STOM: variants seen among roughly 807,000 people sequenced by gnomAD.
STOM encodes stomatin, also known as erythrocyte band 7 integral membrane protein.
Under a neutral mutation model 30.6 loss-of-function variants are expected in STOM, and 25 were observed. The observed-to-expected ratio is 0.82, with a 90% CI of 0.60 to 1.14. STOM has a LOEUF of 1.14. Among genes scored for constraint, STOM ranks in the 50% most tolerant of loss-of-function variants. The probability of loss-of-function intolerance (pLI) is 0.00; values close to 1 mark genes in which losing one functional copy is unlikely to be tolerated. For synonymous variants in STOM, 118 were observed against 130.8 expected, an observed-to-expected ratio of 0.90 and a Z score of 0.67; for missense variants, 292 against 365.2, an observed-to-expected ratio of 0.80 and a Z score of 1.63.
intron 6 of STOM, 133 bp downstream of exon 6, chr9:121,347,882 G>T: frequency 9.0e-7 from 1 of 1,106,222 alleles, no homozygotes; most frequent in South Asian, 1.8e-5. Context: ...AAGTTACGGG[G>T]AGGGTTTTCA....
chr9:121,355,364 G>A (rs2064378161), intron 2 of STOM, among the ~76,000 whole-genome samples: 1 of 150,746 alleles, frequency 6.6e-6, no homozygotes, highest in Admixed American at 6.6e-5. Flanking sequence ...CTCCAGCCTG[G>A]GCGACAGAGC....
At chr9:121,366,486 A>G (rs1454181955) in intron 1 of STOM, among the ~76,000 whole-genome samples, 1 of 152,134 alleles carries the variant, frequency 6.6e-6, no homozygotes, top group East Asian at 1.9e-4. Flanking sequence ...TATCTTGGCA[A>G]TTATAATCCT....
chr9:121,356,524 G>C (rs906112148), intron 1 of STOM, among the ~76,000 whole-genome samples: 2 of 152,222 alleles, frequency 1.3e-5, no homozygotes, highest in Non-Finnish European at 2.9e-5. Context: ...ATAATATTAG[G>C]TGGTAAGTAC....
At chr9:121,346,813 T>G (rs2064293864) in intron 6 of STOM, among the ~76,000 whole-genome samples, 1 of 152,188 alleles carries the variant, frequency 6.6e-6, no homozygotes, top group Non-Finnish European at 1.5e-5. Context: ...TCCTATTTGA[T>G]GCTGGCTAAG....
chr9:121,368,932 C>CA (rs34631713), intron 1 of STOM, among the ~76,000 whole-genome samples: 22,819 of 96,700 alleles, frequency 0.24, 1,844 homozygotes, highest in Middle Eastern at 0.35. Flanking sequence ...AACTCCGTCT[C>CA]AAAAAAAAAA....
intron 1 of STOM, among the ~76,000 whole-genome samples, chr9:121,360,831 T>G (rs1184604942): frequency 1.3e-5 from 2 of 152,214 alleles, no homozygotes; most frequent in African/African-American, 4.8e-5. Context: ...CCCAGATGTG[T>G]ATATGGGATT....
At chr9:121,349,774 A>G (rs184787152) in intron 4 of STOM, among the ~76,000 whole-genome samples, 2 of 152,226 alleles carry the variant, frequency 1.3e-5, no homozygotes, top group Admixed American at 1.3e-4. Flanking sequence ...AAGTTCCACA[A>G]TATTACTGGA....
intron 4 of STOM, 54 bp from the exon 5 acceptor site, chr9:121,349,377 A>C: frequency 6.8e-7 from 1 of 1,465,340 alleles, no homozygotes; most frequent in Non-Finnish European, 9.6e-7. Flanking sequence ...TTTTAACATA[A>C]CTGTAAGGAA....
chr9:121,352,619 C>T (rs548198108), intron 4 of STOM, among the ~76,000 whole-genome samples: 1 of 152,322 alleles, frequency 6.6e-6, no homozygotes, highest in African/African-American at 2.4e-5. Flanking sequence ...ATAGCACTTA[C>T]TATTTGTCAG....
rs2064355982 is a variant in STOM, at chr9:121,353,307, A to C, written c.239-5T>G. 6.3e-6 allele frequency: 10 copies of C among 1,598,862 alleles called. No individual in the cohort carries two copies. The highest frequency in any genetic ancestry group is 8.5e-6 in the Non-Finnish European group (10 of 1,171,128). On this transcript the variant is annotated splice_region_variant and splice_polypyrimidine_tract_variant and intron_variant, in intron 3 of 6. Transcript: ENST00000286713. ...ATGGCAGAATAAAAAACAAACCTGC[A>C]ACAAAGATACACACATTATACAGAC...
rs2134019495 is a variant in STOM, at chr9:121,341,364, T to C, written c.705A>G (p.Lys235=). The change falls in exon 7 of 7, where the codon AAA becomes AAG. Residue 235 remains lysine (K), a synonymous_variant. Coordinates refer to ENST00000286713, the MANE Select transcript of STOM (RefSeq NM_004099.6). ...EGEMNASRAL[K]EASMVITESP... is the part of the protein sequence containing the mutation. ...ATTCAGTGATGACCATGGAGGCTTCTTTCAGAGCCCTGGATGCATTCATTT... is the reference window on the plus strand; with the variant it reads ...ATTCAGTGATGACCATGGAGGCTTCCTTCAGAGCCCTGGATGCATTCATTT... 1 of 1,613,920 alleles carries C rather than the reference T, an allele frequency of 6.2e-7. No homozygotes were observed. Among genetic ancestry groups the C allele is most frequent in the South Asian group, 1.1e-5 (1 of 91,074 alleles).
rs778595567 is a variant in STOM, at chr9:121,348,177, A to C, written c.526-28T>G. The stretch of plus-strand genomic sequence containing the variant: ...GTTAGGAAGAGAGAAGGCAAGCTAA[A>C]TCTCCTCAGCCCAGCCCAGATGCTG... On this transcript the variant is annotated intron_variant, in intron 5 of 6. Coordinates refer to ENST00000286713, the MANE Select transcript of STOM (RefSeq NM_004099.6). 7.4e-6 allele frequency: 12 copies of C among 1,613,768 alleles called. No homozygotes were observed. In the Admixed American group the frequency reaches 1.8e-4, roughly 25 times the overall value.
intron 6 of STOM, among the ~76,000 whole-genome samples, chr9:121,346,812 A>T (rs563812252): frequency 6.6e-6 from 1 of 152,328 alleles, no homozygotes; most frequent in African/African-American, 2.4e-5. Context: ...ATCCTATTTG[A>T]TGCTGGCTAA....
At chr9:121,355,239 A>T (rs2134034224) in intron 2 of STOM, among the ~76,000 whole-genome samples, 1 of 147,782 alleles carries the variant, frequency 6.8e-6, no homozygotes, top group East Asian at 2.0e-4. Context: ...CTCAAAAAAA[A>T]AAAAAAAAAA....
At chr9:121,351,649 T>G (rs2134029983) in intron 4 of STOM, among the ~76,000 whole-genome samples, 1 of 152,364 alleles carries the variant, frequency 6.6e-6, no homozygotes, top group South Asian at 2.1e-4. Context: ...GGAGCTCATG[T>G]ACAATGCATT....
At chr9:121,356,774 A>T (rs1589294424) in intron 1 of STOM, among the ~76,000 whole-genome samples, 1 of 152,072 alleles carries the variant, frequency 6.6e-6, no homozygotes, top group African/African-American at 2.4e-5. Context: ...CTTGAGGTCA[A>T]GAGTTCAAGA....
intron 6 of STOM, among the ~76,000 whole-genome samples, chr9:121,343,009 G>A (rs2134020967): frequency 6.6e-6 from 1 of 152,230 alleles, no homozygotes; most frequent in Non-Finnish European, 1.5e-5. Context: ...AGACTAACAT[G>A]TACTTCAGAG....
At chr9:121,357,752 T>A (rs2064409363) in intron 1 of STOM, among the ~76,000 whole-genome samples, 1 of 152,098 alleles carries the variant, frequency 6.6e-6, no homozygotes, top group African/African-American at 2.4e-5. Context: ...ATCATATTTT[T>A]AAAAATAAAT....
At chr9:121,344,712 C>T (rs1328712667) in intron 6 of STOM, among the ~76,000 whole-genome samples, 1 of 152,146 alleles carries the variant, frequency 6.6e-6, no homozygotes, top group Non-Finnish European at 1.5e-5. Flanking sequence ...TTCTGCAGAC[C>T]AGGTGGTCTG....
Sources: allele counts gnomAD v4.1 joint callset (sites outside exome capture counted in the v4.1 genomes callset), GRCh38; gene constraint gnomAD v4.1.1; transcripts MANE v1.5; gene names NCBI Gene and HGNC (gene_info 2026-07-23, HGNC 2026-07-21).